ATP8A2: variants seen among roughly 807,000 people sequenced by gnomAD.
ATP8A2 encodes the protein phospholipid-transporting ATPase IB.
ATP8A2 carries 100 observed loss-of-function variants against 165.6 expected under a neutral mutation model. That is an observed-to-expected ratio of 0.60 (90% confidence interval 0.51 to 0.71). The LOEUF is 0.71. ATP8A2 is among the 30% of genes least tolerant of loss of function. ATP8A2 has a pLI of 0.00. For synonymous variants in ATP8A2, 543 were observed against 548.8 expected, an observed-to-expected ratio of 0.99 and a Z score of 0.15; for missense variants, 1,227 against 1,479.5, an observed-to-expected ratio of 0.83 and a Z score of 2.80.
At chr13:25,430,440 G>A (rs1240351563) in intron 1 of ATP8A2, among the ~76,000 whole-genome samples, 1 of 152,144 alleles carries the variant, frequency 6.6e-6, no homozygotes, top group Non-Finnish European at 1.5e-5. Context: ...GTGCACGGCT[G>A]GATTTGGCAA....
At chr13:25,700,269 A>T (rs188243140) in intron 25 of ATP8A2, among the ~76,000 whole-genome samples, 3 of 152,256 alleles carry the variant, frequency 2.0e-5, no homozygotes, top group Admixed American at 2.0e-4. Flanking sequence ...CTTGATTGTG[A>T]TACAATTCAC....
At chr13:25,531,879 A>G (rs1238229370) in intron 4 of ATP8A2, among the ~76,000 whole-genome samples, 3 of 152,232 alleles carry the variant, frequency 2.0e-5, no homozygotes, top group African/African-American at 7.2e-5. Context: ...AATCTGAAAT[A>G]TGAAACACTT....
At chr13:25,553,483 C>G (rs1286559594) in intron 11 of ATP8A2, among the ~76,000 whole-genome samples, 1 of 152,188 alleles carries the variant, frequency 6.6e-6, no homozygotes, top group Non-Finnish European at 1.5e-5. Flanking sequence ...TTCAAGTTTG[C>G]TTCTTTTCTC....
intron 33 of ATP8A2, among the ~76,000 whole-genome samples, chr13:25,945,399 T>C (rs9581490): frequency 0.01 from 1,573 of 152,328 alleles, 22 homozygotes; most frequent in African/African-American, 0.032. Context: ...ATGGTGGATG[T>C]AACGTTATTC....
chr13:25,611,946 A>C (rs1410744868), intron 24 of ATP8A2, among the ~76,000 whole-genome samples: 2 of 152,052 alleles, frequency 1.3e-5, no homozygotes, highest in Non-Finnish European at 2.9e-5. Context: ...AGTAGCCTTG[A>C]ATGATCTTTT....
intron 25 of ATP8A2, among the ~76,000 whole-genome samples, chr13:25,706,169 G>C (rs2043051495): frequency 6.6e-6 from 1 of 152,182 alleles, no homozygotes; most frequent in Non-Finnish European, 1.5e-5. Flanking sequence ...AGTAAGCATA[G>C]TATGGATTCC....
chr13:25,923,129 A>T (rs1220682072), intron 33 of ATP8A2, among the ~76,000 whole-genome samples: 1 of 152,212 alleles, frequency 6.6e-6, no homozygotes, highest in Non-Finnish European at 1.5e-5. Flanking sequence ...ATTAAGAAAT[A>T]GTGGCCCTCC....
chr13:25,682,595 A>G (rs529079137), intron 24 of ATP8A2, among the ~76,000 whole-genome samples: 1 of 152,136 alleles, frequency 6.6e-6, no homozygotes, highest in Non-Finnish European at 1.5e-5. Flanking sequence ...TTCTCCAGAA[A>G]GCCGTTATTT....
intron 1 of ATP8A2, among the ~76,000 whole-genome samples, chr13:25,442,637 C>T (rs2034963305): frequency 6.6e-6 from 1 of 152,140 alleles, no homozygotes; most frequent in Non-Finnish European, 1.5e-5. Context: ...CCAGGCTGTT[C>T]TTGAACTTCT....
intron 33 of ATP8A2, among the ~76,000 whole-genome samples, chr13:25,935,163 C>T (rs1483805394): frequency 6.6e-6 from 1 of 152,228 alleles, no homozygotes; most frequent in Non-Finnish European, 1.5e-5. Context: ...AATCATTAAA[C>T]TCACCCTATT....
intron 33 of ATP8A2, among the ~76,000 whole-genome samples, chr13:25,870,204 T>C (rs192795): frequency 0.28 from 42,552 of 152,072 alleles, 6,787 homozygotes; most frequent in African/African-American, 0.42. Context: ...TCTAGACATC[T>C]GGCTTTCCAG....
chr13:25,936,118 C>T (rs943119888), intron 33 of ATP8A2, among the ~76,000 whole-genome samples: 3 of 152,214 alleles, frequency 2.0e-5, no homozygotes, highest in African/African-American at 7.2e-5. Context: ...CTGTCACTCC[C>T]ACCCTTCAAA....
chr13:25,542,154 G>T, intron 9 of ATP8A2, 108 bp downstream of exon 9: 1 of 1,170,868 alleles, frequency 8.5e-7, no homozygotes. Flanking sequence ...AAAACAGTGA[G>T]ATTTCATACC....
At chr13:25,642,243 T>C (rs1160522594) in intron 24 of ATP8A2, among the ~76,000 whole-genome samples, 1 of 152,070 alleles carries the variant, frequency 6.6e-6, no homozygotes, top group Admixed American at 6.6e-5. Context: ...AAGCCAAAAT[T>C]GACTAATGGG....
chr13:25,857,091 A>G (rs544871186), intron 30 of ATP8A2, among the ~76,000 whole-genome samples: 40 of 152,294 alleles, frequency 2.6e-4, no homozygotes, highest in African/African-American at 9.1e-4. Flanking sequence ...GCTGTGGTCC[A>G]CATTTGTCTG....
intron 24 of ATP8A2, among the ~76,000 whole-genome samples, chr13:25,621,554 A>G (rs1209240516): frequency 6.6e-6 from 1 of 152,166 alleles, no homozygotes; most frequent in East Asian, 1.9e-4. Context: ...CTGCCTTTTT[A>G]GAATGAGCTC....
At chr13:25,774,356 C>A (rs1021899930) in intron 26 of ATP8A2, among the ~76,000 whole-genome samples, 1 of 151,990 alleles carries the variant, frequency 6.6e-6, no homozygotes, top group Non-Finnish European at 1.5e-5. Context: ...GGGAGCTGAA[C>A]AATGAGAACA....
At position 25,905,644 on chromosome 13, in the gene ATP8A2, G is replaced by A. The variant is rs536644161; in HGVS notation, c.3183+43236G>A. 4.0e-4 allele frequency among the ~76,000 whole-genome samples: 61 copies of A among 151,912 alleles called. No individual in the cohort carries two copies. The Middle Eastern group carries it at 0.014, about 34-fold the overall frequency. ...GGCCGCTGCCATCTGGGTTTCTCTG[G>A]AAGTGCAGAGGCCACAGGTTGCAAT... On this transcript the variant is annotated intron_variant, in intron 33 of 36. Transcript: ENST00000381655.
At chr13:25,659,525 A>G (rs2042005875) in intron 24 of ATP8A2, among the ~76,000 whole-genome samples, 2 of 152,172 alleles carry the variant, frequency 1.3e-5, no homozygotes, top group Non-Finnish European at 2.9e-5. Context: ...TCTCTACACC[A>G]CTGGAAAGAG....
Sources: allele counts gnomAD v4.1 joint callset (sites outside exome capture counted in the v4.1 genomes callset), GRCh38; gene constraint gnomAD v4.1.1; transcripts MANE v1.5; gene names NCBI Gene and HGNC (gene_info 2026-07-23, HGNC 2026-07-21).